Variants in ZNF429 observed in about 807,000 individuals in gnomAD.
ZNF429 encodes the protein zinc finger protein 429.
Under a neutral mutation model 56.8 loss-of-function variants are expected in ZNF429, and 53 were observed. The ratio of observed to expected loss-of-function variants is 0.93; its 90% CI spans 0.75 to 1.17. ZNF429 has a LOEUF of 1.17. Among genes scored for constraint, ZNF429 ranks in the 50% most tolerant of loss-of-function variants. ZNF429 has a pLI of 0.00. For synonymous variants in ZNF429, 278 were observed against 264.7 expected, an observed-to-expected ratio of 1.05 and a Z score of -0.49; for missense variants, 849 against 788.4, an observed-to-expected ratio of 1.08 and a Z score of -0.92.
chr19:21,530,799 A>G, intron 3 of ZNF429, 115 bp downstream of exon 3: 1 of 859,264 alleles, frequency 1.2e-6, no homozygotes, highest in Non-Finnish European at 1.7e-6. Flanking sequence ...ATATTTTCTG[A>G]AAAACTGTGT....
At chr19:21,529,873 TG>T in intron 2 of ZNF429, 89 bp downstream of exon 2, 1 of 950,632 alleles carries the variant, frequency 1.1e-6, no homozygotes, top group Non-Finnish European at 1.5e-6. Flanking sequence ...ATTTATGCTT[TG>T]CATAAATGAG....
At chr19:21,528,045 T>G (rs1209941346) in intron 1 of ZNF429, among the ~76,000 whole-genome samples, 1 of 152,152 alleles carries the variant, frequency 6.6e-6, no homozygotes, top group African/African-American at 2.4e-5. Flanking sequence ...AATATTTCCT[T>G]CCTACATACC....
chr19:21,516,178 C>T (rs1218148259), intron 1 of ZNF429, among the ~76,000 whole-genome samples: 3 of 152,200 alleles, frequency 2.0e-5, no homozygotes, highest in South Asian at 2.1e-4. Context: ...AAGCAATTCT[C>T]CTGCCTCAGC....
chr19:21,527,237 C>T (rs547808815), intron 1 of ZNF429, among the ~76,000 whole-genome samples: 1 of 152,124 alleles, frequency 6.6e-6, no homozygotes, highest in Non-Finnish European at 1.5e-5. Flanking sequence ...TGCAGAATCA[C>T]ATTATGTAGA....
chr19:21,532,310 CA>C, intron 3 of ZNF429, among the ~76,000 whole-genome samples: 1 of 151,274 alleles, frequency 6.6e-6, no homozygotes. Context: ...TTTGACTAGC[CA>C]AAGCAATCTT....
At chr19:21,535,425 TTTCTTTCTTTCTTTCTTTCTTTC>T in intron 3 of ZNF429, among the ~76,000 whole-genome samples, 2 of 6,180 alleles carry the variant, frequency 3.2e-4, no homozygotes, top group Non-Finnish European at 6.4e-4. Flanking sequence ...TCTTTCTTTC[TTTCTTTCTTTCTTTCTTTCTTTC>T]TTTCTTTCTT....
At chr19:21,528,385 G>T (rs1178603083) in intron 1 of ZNF429, among the ~76,000 whole-genome samples, 1 of 152,068 alleles carries the variant, frequency 6.6e-6, no homozygotes, top group Non-Finnish European at 1.5e-5. Flanking sequence ...GCTAAAAAAA[G>T]ACTACTTTAA....
At chr19:21,519,276 C>G (rs1205163968) in intron 1 of ZNF429, among the ~76,000 whole-genome samples, 1 of 152,208 alleles carries the variant, frequency 6.6e-6, no homozygotes, top group African/African-American at 2.4e-5. Flanking sequence ...TCTGGAGACT[C>G]TCCCAGCATT....
rs375403393 is a variant in ZNF429 at position 21,536,829 on chromosome 19, G to A, written c.776G>A (p.Cys259Tyr). 1 of 1,613,794 alleles carries A rather than the reference G, an allele frequency of 6.2e-7. No homozygotes were observed. Among genetic ancestry groups the A allele is most frequent in the Non-Finnish European group, 8.5e-7 (1 of 1,179,942 alleles). The change falls in exon 4 of 4, where the codon TGT becomes TAT. Residue 259 changes from cysteine to tyrosine, a missense_variant. Transcript: ENST00000358491. ...CATACTGGAGAGAAACCCTACAAAT[G>A]TAAAGAATGTGGCAAAGCCTTTAGC... ...RIHTGEKPYKCKECGKAFSRY... is the reference protein window; with the variant it reads ...RIHTGEKPYKYKECGKAFSRY...
At chr19:21,526,700 A>T (rs2145455524) in intron 1 of ZNF429, among the ~76,000 whole-genome samples, 1 of 152,340 alleles carries the variant, frequency 6.6e-6, no homozygotes, top group Middle Eastern at 3.4e-3. Flanking sequence ...AACCTTAACG[A>T]TGTATATATA....
At position 21,536,443 on chromosome 19, in the gene ZNF429, T is replaced by C; in HGVS notation, c.390T>C (p.Tyr130=). 6.2e-7 allele frequency: 1 copy of C among 1,613,676 alleles called. No individual in the cohort carries two copies. Among genetic ancestry groups the C allele is most frequent in the Non-Finnish European group, 8.5e-7 (1 of 1,179,796 alleles). ...ATTGTAAGCTATACAAAGGAGGTTA[T>C]AATGGACTTAACCAATGTTTGACAC... ...VGDCKLYKGG[Y]NGLNQCLTLT... The change falls in exon 4 of 4, where the codon TAT becomes TAC. Residue 130 remains tyrosine (Y), a synonymous_variant. Transcript: ENST00000358491.
chr19:21,535,096 G>A, intron 3 of ZNF429, among the ~76,000 whole-genome samples: 1 of 150,918 alleles, frequency 6.6e-6, no homozygotes, highest in East Asian at 1.9e-4. Context: ...CAAAGTGCTG[G>A]GATTACAGGC....
chr19:21,511,655 C>G (rs2032481389), intron 1 of ZNF429, among the ~76,000 whole-genome samples: 1 of 151,502 alleles, frequency 6.6e-6, no homozygotes, highest in South Asian at 2.1e-4. Context: ...CAGAGACGCT[C>G]CTCACTTCCC....
intron 1 of ZNF429, among the ~76,000 whole-genome samples, chr19:21,512,041 C>T (rs546377057): frequency 4.6e-5 from 7 of 152,254 alleles, no homozygotes; most frequent in African/African-American, 1.4e-4. Flanking sequence ...AGTCCAGCTT[C>T]GGCTCAGCAT....
At chr19:21,534,192 G>A in intron 3 of ZNF429, among the ~76,000 whole-genome samples, 1 of 146,120 alleles carries the variant, frequency 6.8e-6, no homozygotes, top group African/African-American at 2.5e-5. Context: ...TATTAAATGT[G>A]TTTATCACTG....
At chr19:21,529,340 A>T (rs1178494468) in intron 1 of ZNF429, 1 of 208,162 alleles carries the variant, frequency 4.8e-6, no homozygotes, top group Non-Finnish European at 8.4e-6. Flanking sequence ...ATTCTGTAAG[A>T]TGTAAACATA....
rs749853570 is a variant in ZNF429, at chr19:21,537,969, A to C, written c.1916A>C (p.His639Pro). 6.2e-7 allele frequency: 1 copy of C among 1,614,150 alleles called. No individual in the cohort carries two copies. Among genetic ancestry groups the C allele is most frequent in the Admixed American group, 1.7e-5 (1 of 60,000 alleles). Residue 639 changes from histidine to proline, a missense_variant, in exon 4 of 4, where the codon CAT becomes CCT. Transcript: ENST00000358491. The part of the protein sequence containing the change: ...AFTRSSRLTQ[H>P]KKIHRMGVVA... ...ACCCGGTCTTCAAGACTTACTCAAC[A>C]TAAGAAAATTCATAGGATGGGTGTG...
intron 1 of ZNF429, among the ~76,000 whole-genome samples, chr19:21,520,460 A>T (rs966065297): frequency 2.6e-5 from 4 of 152,326 alleles, no homozygotes; most frequent in Middle Eastern, 3.4e-3. Flanking sequence ...TTGGAAATAT[A>T]TGTAAATCAT....
In ZNF429 at chr19:21,531,121, A is replaced by AC; in HGVS notation, c.226+437_226+438insC. ...AACTCCATCTCAAAAAAAAAAAAAA[A>AC]AAAAAAAACCAAAAAAAAAAAAACA... On this transcript the variant is annotated intron_variant, in intron 3 of 3. Transcript: ENST00000358491. Among the ~76,000 whole-genome samples the AC allele has an allele frequency of 2.3e-4, 24 of 104,890 alleles. 1 individual carries two copies. The highest frequency in any genetic ancestry group is 4.1e-4 in the African/African-American group (11 of 26,784). 68.8% of individuals were successfully genotyped at this position (104,890 alleles called of 152,430 possible).
Sources: gnomAD v4.1 joint callset for allele counts (sites outside exome capture counted in the v4.1 genomes callset) on GRCh38, gnomAD v4.1.1 for gene constraint, MANE v1.5 for transcripts, NCBI Gene and HGNC (gene_info 2026-07-23, HGNC 2026-07-21) for gene names.